Variants in SAMMSON observed in about 807,000 individuals in gnomAD.
The protein encoded by SAMMSON is long intergenic non-protein coding RNA 1212.
At chr3:70,150,244 C>G (rs1470736511) in intron 4 of SAMMSON, among the ~76,000 whole-genome samples, 1 of 151,988 alleles carries the variant, frequency 6.6e-6, no homozygotes, top group Non-Finnish European at 1.5e-5. Context: ...TTGGTGAACC[C>G]TTTTTCAGTT....
At chr3:70,211,525 C>T (rs1298015298) in intron 4 of SAMMSON, among the ~76,000 whole-genome samples, 30 of 24,302 alleles carry the variant, frequency 1.2e-3, no homozygotes, top group East Asian at 9.0e-3. Context: ...CTTCCCTTCC[C>T]TTCCCTTTGC....
chr3:70,016,763 A>T (rs1342764502), intron 3 of SAMMSON, among the ~76,000 whole-genome samples: 1 of 152,168 alleles, frequency 6.6e-6, no homozygotes, highest in Non-Finnish European at 1.5e-5. Context: ...TAATTTTTGT[A>T]TAAGGTGTAA....
intron 2 of SAMMSON, among the ~76,000 whole-genome samples, chr3:70,412,782 C>T (rs918079564): frequency 6.6e-6 from 1 of 152,086 alleles, no homozygotes; most frequent in Non-Finnish European, 1.5e-5. Context: ...TGAATAAAAT[C>T]GGGTACTCAA....
intron 7 of SAMMSON, among the ~76,000 whole-genome samples, chr3:70,328,952 A>G (rs548538271): frequency 6.6e-6 from 1 of 152,274 alleles, no homozygotes; most frequent in Non-Finnish European, 1.5e-5. Context: ...CACAGAATAA[A>G]AAAGATAAAT....
At chr3:70,275,543 C>A (rs1450548557) in intron 6 of SAMMSON, among the ~76,000 whole-genome samples, 5 of 151,988 alleles carry the variant, frequency 3.3e-5, no homozygotes, top group South Asian at 2.1e-4. Flanking sequence ...CAAATCAAAT[C>A]AAAAAAACAA....
intron 3 of SAMMSON, chr3:70,068,205 G>A (rs1441103925): frequency 2.0e-5 from 3 of 151,982 alleles, no homozygotes; most frequent in Non-Finnish European, 2.9e-5. Flanking sequence ...TAGAACCGCT[G>A]CATTTATTGA....
At chr3:70,028,172 TTCCTTC>T (rs1559776245) in intron 3 of SAMMSON, among the ~76,000 whole-genome samples, 304 of 149,038 alleles carry the variant, frequency 2.0e-3, no homozygotes, top group African/African-American at 7.2e-3. Context: ...CCTTCCTTCC[TTCCTTC>T]CTTCCTTCCT....
chr3:70,269,414 C>A (rs1166290741), intron 6 of SAMMSON, among the ~76,000 whole-genome samples: 5 of 152,156 alleles, frequency 3.3e-5, no homozygotes, highest in African/African-American at 1.2e-4. Flanking sequence ...TGAGTTTTGG[C>A]CAATCAAAGG....
At chr3:70,174,173 T>C (rs948966627) in intron 4 of SAMMSON, among the ~76,000 whole-genome samples, 70 of 152,050 alleles carry the variant, frequency 4.6e-4, no homozygotes, top group Non-Finnish European at 1.9e-4. Context: ...TTACATTGAT[T>C]TGTATTCATT....
intron 7 of SAMMSON, among the ~76,000 whole-genome samples, chr3:70,304,839 C>A (rs1011919447): frequency 1.1e-4 from 17 of 152,114 alleles, no homozygotes; most frequent in Non-Finnish European, 2.5e-4. Context: ...CCCAACTGAC[C>A]AACAAGGTTC....
intron 8 of SAMMSON, among the ~76,000 whole-genome samples, chr3:70,354,470 T>A (rs886094310): frequency 1.3e-5 from 2 of 152,160 alleles, no homozygotes; most frequent in Admixed American, 6.5e-5. Context: ...AGAATTAGAA[T>A]CATCAGAAGA....
chr3:70,028,455 TGG>T (rs1197455642), intron 3 of SAMMSON, among the ~76,000 whole-genome samples: 4 of 152,138 alleles, frequency 2.6e-5, no homozygotes, highest in African/African-American at 9.6e-5. Flanking sequence ...GGAGAATTTG[TGG>T]CTGTGAGACT....
At chr3:70,426,131 C>A (rs894382428) in intron 2 of SAMMSON, among the ~76,000 whole-genome samples, 14 of 152,134 alleles carry the variant, frequency 9.2e-5, no homozygotes, top group African/African-American at 3.4e-4. Context: ...ATATTGAGTT[C>A]TTTTATTAAA....
intron 7 of SAMMSON, among the ~76,000 whole-genome samples, chr3:70,307,816 A>C (rs532653675): frequency 6.6e-6 from 1 of 152,264 alleles, no homozygotes; most frequent in African/African-American, 2.4e-5. Context: ...CTTAACCTAC[A>C]GTCAGCACTC....
At chr3:70,417,530 T>G (rs1307656408) in intron 2 of SAMMSON, among the ~76,000 whole-genome samples, 1 of 152,204 alleles carries the variant, frequency 6.6e-6, no homozygotes, top group Non-Finnish European at 1.5e-5. Flanking sequence ...AATGGAAATG[T>G]ATTTCACCAG....
At chr3:70,114,945 T>C (rs1218357027) in intron 4 of SAMMSON, among the ~76,000 whole-genome samples, 2 of 152,116 alleles carry the variant, frequency 1.3e-5, no homozygotes, top group Non-Finnish European at 2.9e-5. Context: ...GAGCATTTTA[T>C]AGTCACTTGG....
chr3:70,279,753 A>G (rs1702063183), intron 6 of SAMMSON, among the ~76,000 whole-genome samples: 1 of 152,172 alleles, frequency 6.6e-6, no homozygotes. Context: ...TGGATGGCAT[A>G]AATGCCATCC....
intron 3 of SAMMSON, among the ~76,000 whole-genome samples, chr3:70,038,054 T>C (rs1219096333): frequency 6.6e-6 from 1 of 151,894 alleles, no homozygotes; most frequent in East Asian, 1.9e-4. Context: ...GAGTTTCTTA[T>C]TTGTGATGGT....
At chr3:70,392,974 C>G (rs147344119), downstream of SAMMSON, among the ~76,000 whole-genome samples, 216 of 152,156 alleles carry the variant, frequency 1.4e-3, no homozygotes, top group African/African-American at 4.9e-3. Flanking sequence ...TATTTTTGCA[C>G]ATTTTGGGAT....
Sources: allele counts gnomAD v4.1 joint callset (sites outside exome capture counted in the v4.1 genomes callset), GRCh38; gene constraint gnomAD v4.1.1; transcripts MANE v1.5; gene names NCBI Gene and HGNC (gene_info 2026-07-23, HGNC 2026-07-21).